NRXN3: variants seen among roughly 807,000 people sequenced by gnomAD.
NRXN3 encodes the protein neurexin 3.
NRXN3 carries 32 observed loss-of-function variants against 137.6 expected under a neutral mutation model. The observed-to-expected ratio is 0.23, with a 90% CI of 0.18 to 0.31. The LOEUF is 0.31. Ranked by LOEUF, NRXN3 falls within the 10% of genes least tolerant of loss-of-function variation. The pLI, the probability that NRXN3 is intolerant of heterozygous loss-of-function variation, is 1.00. For missense variants in NRXN3, 1,574 were observed against 2,062.5 expected, an observed-to-expected ratio of 0.76 and a Z score of 4.59; for synonymous variants, 798 against 784.5, an observed-to-expected ratio of 1.02 and a Z score of -0.29.
intron 4 of NRXN3, among the ~76,000 whole-genome samples, chr14:78,526,381 C>A (rs2096380003): frequency 6.6e-6 from 1 of 152,212 alleles, no homozygotes. Flanking sequence ...GCCAGCAGGC[C>A]TGGCTTTCTC....
chr14:78,507,488 G>A (rs1359303801), intron 4 of NRXN3, among the ~76,000 whole-genome samples: 1 of 152,188 alleles, frequency 6.6e-6, no homozygotes, highest in African/African-American at 2.4e-5. Flanking sequence ...ACCGGTATGT[G>A]ATGCAGTTGG....
At chr14:78,985,090 C>G (rs1031302674) in intron 14 of NRXN3, among the ~76,000 whole-genome samples, 1 of 152,190 alleles carries the variant, frequency 6.6e-6, no homozygotes, top group African/African-American at 2.4e-5. Flanking sequence ...AATCCCCGCC[C>G]TGTATTTGGT....
rs141634939 is a variant in NRXN3 at position 79,689,526 on chromosome 14, T to C, written c.3617-2647T>C. 2.2e-3 allele frequency among the ~76,000 whole-genome samples: 337 copies of C among 152,230 alleles called. 1 individual carries two copies. The highest frequency in any genetic ancestry group is 7.8e-3 in the African/African-American group (325 of 41,574). ...AATGACCTTCCATCTTTCACAACTTTTAACAGCATGCAAGATTGCTATCCT... is the reference window on the plus strand; with the variant it reads ...AATGACCTTCCATCTTTCACAACTTCTAACAGCATGCAAGATTGCTATCCT... On this transcript the variant is annotated intron_variant, in intron 17 of 20. Coordinates refer to ENST00000335750, the MANE Select transcript of NRXN3 (RefSeq NM_001330195.2).
At chr14:78,543,086 A>G (rs2096606257) in intron 4 of NRXN3, among the ~76,000 whole-genome samples, 1 of 152,068 alleles carries the variant, frequency 6.6e-6, no homozygotes, top group South Asian at 2.1e-4. Context: ...AGGTACTCAG[A>G]CTTTATAGTG....
At chr14:79,659,966 A>G (rs2037402046) in intron 16 of NRXN3, among the ~76,000 whole-genome samples, 4 of 152,154 alleles carry the variant, frequency 2.6e-5, no homozygotes, top group Admixed American at 6.6e-5. Context: ...ATAAAGTACC[A>G]TCATGTTCAT....
At chr14:78,675,270 C>T (rs1336318021) in intron 6 of NRXN3, among the ~76,000 whole-genome samples, 3 of 152,132 alleles carry the variant, frequency 2.0e-5, no homozygotes, top group Non-Finnish European at 2.9e-5. Flanking sequence ...TGCAAATCAG[C>T]CCCCAGGTCA....
intron 1 of NRXN3, among the ~76,000 whole-genome samples, chr14:78,239,622 A>G (rs2066817242): frequency 6.6e-6 from 1 of 152,232 alleles, no homozygotes; most frequent in African/African-American, 2.4e-5. Flanking sequence ...CAGTTCTTTT[A>G]CATTGACTAT....
At chr14:79,238,280 T>C (rs2044433505) in intron 15 of NRXN3, among the ~76,000 whole-genome samples, 1 of 135,728 alleles carries the variant, frequency 7.4e-6, no homozygotes, top group South Asian at 2.6e-4. Context: ...ACATATTGCG[T>C]GTATAAATAC....
At chr14:78,490,754 A>C (rs889076697) in intron 4 of NRXN3, among the ~76,000 whole-genome samples, 1 of 152,122 alleles carries the variant, frequency 6.6e-6, no homozygotes, top group African/African-American at 2.4e-5. Flanking sequence ...TACATTTATT[A>C]TTCTTAGCCA....
At chr14:79,665,397 C>G (rs769986132) in intron 17 of NRXN3, among the ~76,000 whole-genome samples, 2 of 152,072 alleles carry the variant, frequency 1.3e-5, no homozygotes, top group Non-Finnish European at 1.5e-5. Context: ...TTGAAGAAAG[C>G]CAAAGCTATT....
chr14:78,471,857 G>A (rs566164432), intron 4 of NRXN3, among the ~76,000 whole-genome samples: 1 of 152,306 alleles, frequency 6.6e-6, no homozygotes, highest in Admixed American at 6.5e-5. Context: ...CTCAAATACT[G>A]AACAGGATTT....
At chr14:79,279,374 C>T in intron 15 of NRXN3, 2 of 986,086 alleles carry the variant, frequency 2.0e-6, no homozygotes, top group Non-Finnish European at 2.4e-6. Context: ...GGCTCCCCAA[C>T]TCCTCGCTTC....
At chr14:79,706,800 GC>G (rs1318692298) in intron 19 of NRXN3, among the ~76,000 whole-genome samples, 1 of 151,968 alleles carries the variant, frequency 6.6e-6, no homozygotes, top group African/African-American at 2.4e-5. Context: ...ATGACACACC[GC>G]CCCCCTTTCA....
chr14:79,109,922 A>G (rs990435747), intron 15 of NRXN3, among the ~76,000 whole-genome samples: 61 of 152,222 alleles, frequency 4.0e-4, no homozygotes, highest in African/African-American at 1.4e-3. Context: ...AATAAGGTAT[A>G]AAAAGTTACT....
intron 4 of NRXN3, among the ~76,000 whole-genome samples, chr14:78,339,485 C>A: frequency 6.6e-6 from 1 of 152,096 alleles, no homozygotes; most frequent in East Asian, 1.9e-4. Context: ...AGGGTGTCAG[C>A]AGAGCCTGGG....
intron 10 of NRXN3, among the ~76,000 whole-genome samples, chr14:78,903,597 C>T (rs563954539): frequency 3.9e-5 from 6 of 152,072 alleles, no homozygotes; most frequent in African/African-American, 1.4e-4. Context: ...ATTTGTAACT[C>T]GCTGAAAAAG....
chr14:79,296,449 A>G (rs942378669), intron 15 of NRXN3, among the ~76,000 whole-genome samples: 1 of 150,248 alleles, frequency 6.7e-6, no homozygotes, highest in Non-Finnish European at 1.5e-5. Context: ...ATACTTGGGA[A>G]AAAAAAAAAA....
At chr14:79,331,835 T>C (rs1388337643) in intron 15 of NRXN3, among the ~76,000 whole-genome samples, 1 of 124,902 alleles carries the variant, frequency 8.0e-6, no homozygotes, top group African/African-American at 3.1e-5. Context: ...TAATTAAGGC[T>C]TTTGCTGTGT....
intron 8 of NRXN3, among the ~76,000 whole-genome samples, chr14:78,777,447 T>C (rs1397230102): frequency 2.6e-5 from 4 of 152,204 alleles, no homozygotes; most frequent in African/African-American, 9.7e-5. Context: ...TCCTCTGTTT[T>C]ATCTATCAGA....
Sources: gnomAD v4.1 joint callset for allele counts (sites outside exome capture counted in the v4.1 genomes callset) on GRCh38, gnomAD v4.1.1 for gene constraint, MANE v1.5 for transcripts, NCBI Gene and HGNC (gene_info 2026-07-23, HGNC 2026-07-21) for gene names.